The following SORCS1 variants were observed in gnomAD, a reference collection of about 807,000 sequenced individuals.
The protein encoded by SORCS1 is VPS10 domain-containing receptor SorCS1.
A neutral mutation model predicts 146.1 loss-of-function variants in SORCS1; 60 were observed. The ratio of observed to expected loss-of-function variants is 0.41; its 90% CI spans 0.33 to 0.51. The LOEUF (loss-of-function observed/expected upper bound fraction) is 0.51, where lower values mean the gene tolerates loss of function less well. SORCS1 is among the 20% of genes least tolerant of loss of function. The probability of loss-of-function intolerance (pLI) is 0.21; values close to 1 mark genes in which losing one functional copy is unlikely to be tolerated. For missense variants in SORCS1, 1,352 were observed against 1,487.6 expected (o/e 0.91, Z 1.50); for synonymous variants, 637 against 584.0 (o/e 1.09, Z -1.31).
At chr10:106,849,845 C>G (rs1244355375) in intron 2 of SORCS1, among the ~76,000 whole-genome samples, 57 of 151,890 alleles carry the variant, frequency 3.8e-4, no homozygotes, top group Admixed American at 6.6e-4. Context: ...ATACCCTGCC[C>G]TGTGAGGTGT....
intron 2 of SORCS1, among the ~76,000 whole-genome samples, chr10:106,938,875 G>A (rs1388709399): frequency 6.6e-6 from 1 of 152,142 alleles, no homozygotes; most frequent in Non-Finnish European, 1.5e-5. Context: ...GACTGCTAAG[G>A]TTATTGTAGG....
intron 2 of SORCS1, among the ~76,000 whole-genome samples, chr10:106,884,826 T>C (rs1950934716): frequency 6.6e-6 from 1 of 152,160 alleles, no homozygotes; most frequent in African/African-American, 2.4e-5. Context: ...ATCTATCTCA[T>C]AGTGGCAATG....
intron 3 of SORCS1, among the ~76,000 whole-genome samples, chr10:106,777,247 C>A (rs1011840831): frequency 6.6e-6 from 1 of 152,140 alleles, no homozygotes; most frequent in African/African-American, 2.4e-5. Context: ...TTCACAAAGG[C>A]TATTTTACCC....
At chr10:106,767,085 A>G (rs112947081) in intron 4 of SORCS1, among the ~76,000 whole-genome samples, 8 of 152,290 alleles carry the variant, frequency 5.3e-5, no homozygotes, top group African/African-American at 1.9e-4. Context: ...GGGTAGGTGC[A>G]ATCTTACCAA....
chr10:106,611,696 C>T (rs947623450), intron 22 of SORCS1, among the ~76,000 whole-genome samples: 6 of 152,186 alleles, frequency 3.9e-5, no homozygotes, highest in Non-Finnish European at 7.3e-5. Context: ...CATGTTTGTC[C>T]GTGGTTCCAT....
At chr10:106,726,755 G>A (rs1056023274) in intron 6 of SORCS1, among the ~76,000 whole-genome samples, 8 of 152,180 alleles carry the variant, frequency 5.3e-5, no homozygotes, top group African/African-American at 1.9e-4. Context: ...ATGTTTCACA[G>A]ACCCGCAGCA....
chr10:106,892,411 G>A (rs1951272472), intron 2 of SORCS1, among the ~76,000 whole-genome samples: 1 of 152,182 alleles, frequency 6.6e-6, no homozygotes, highest in Non-Finnish European at 1.5e-5. Context: ...TAACTGGAAA[G>A]CTCAGCGACT....
chr10:106,876,522 C>A (rs1362321110), intron 2 of SORCS1, among the ~76,000 whole-genome samples: 1 of 152,140 alleles, frequency 6.6e-6, no homozygotes, highest in East Asian at 1.9e-4. Context: ...TAATGCCAGT[C>A]TGGTTGCTCT....
At chr10:106,769,493 A>C (rs1418393603) in intron 4 of SORCS1, among the ~76,000 whole-genome samples, 2 of 151,802 alleles carry the variant, frequency 1.3e-5, no homozygotes, top group East Asian at 3.9e-4. Context: ...TCAAAAAAAA[A>C]AAAAAAAAGA....
chr10:106,613,188 T>C (rs1847124285), intron 21 of SORCS1, among the ~76,000 whole-genome samples: 1 of 152,202 alleles, frequency 6.6e-6, no homozygotes, highest in African/African-American at 2.4e-5. Context: ...TCAGGGATTT[T>C]CTTCATTGTC....
intron 1 of SORCS1, among the ~76,000 whole-genome samples, chr10:107,009,719 A>C (rs553393046): frequency 9.8e-5 from 15 of 152,350 alleles, no homozygotes; most frequent in Admixed American, 6.5e-4. Context: ...ACAATCTCAT[A>C]ATATGCACAA....
intron 1 of SORCS1, among the ~76,000 whole-genome samples, chr10:107,092,657 C>T (rs144994641): frequency 6.6e-6 from 1 of 152,232 alleles, no homozygotes; most frequent in African/African-American, 2.4e-5. Flanking sequence ...AACTAAGCAA[C>T]CTGCTGTGAG....
At chr10:107,035,078 A>C (rs1184012343) in intron 1 of SORCS1, among the ~76,000 whole-genome samples, 1 of 152,036 alleles carries the variant, frequency 6.6e-6, no homozygotes, top group Non-Finnish European at 1.5e-5. Flanking sequence ...TCTGTAATAT[A>C]AAAAAGCTTA....
chr10:106,658,036 G>A (rs1850436942), intron 17 of SORCS1, among the ~76,000 whole-genome samples: 1 of 152,046 alleles, frequency 6.6e-6, no homozygotes, highest in African/African-American at 2.4e-5. Context: ...CAAAATAAAA[G>A]TGACGTTCTT....
chr10:106,850,361 G>C (rs1009847998), intron 2 of SORCS1, among the ~76,000 whole-genome samples: 3 of 151,994 alleles, frequency 2.0e-5, no homozygotes, highest in South Asian at 2.1e-4. Context: ...AGGTGCGTCC[G>C]TCACCCCTTT....
intron 1 of SORCS1, among the ~76,000 whole-genome samples, chr10:107,004,168 C>A (rs1340859496): frequency 7.7e-6 from 1 of 130,492 alleles, no homozygotes; most frequent in Non-Finnish European, 1.6e-5. Flanking sequence ...AGAGTGTGAT[C>A]CCATCTCAAA....
chr10:106,602,512 AAC>A (rs66699179), intron 23 of SORCS1, among the ~76,000 whole-genome samples: 6,832 of 138,728 alleles, frequency 0.049, 355 homozygotes, highest in East Asian at 0.28. Flanking sequence ...ATTCCTTCAT[AAC>A]ACACACACAC....
chr10:106,676,717 T>C (rs754901550), intron 13 of SORCS1, among the ~76,000 whole-genome samples: 11 of 152,148 alleles, frequency 7.2e-5, no homozygotes, highest in Non-Finnish European at 1.3e-4. Flanking sequence ...GGCCCAACTG[T>C]CCCATAGAAC....
intron 4 of SORCS1, among the ~76,000 whole-genome samples, chr10:106,773,863 C>A (rs183957107): frequency 6.6e-6 from 1 of 152,012 alleles, no homozygotes; most frequent in Non-Finnish European, 1.5e-5. Context: ...GCAGGAGAAT[C>A]GCCTGAACCC....
Sources: gnomAD v4.1 joint callset for allele counts (sites outside exome capture counted in the v4.1 genomes callset) on GRCh38, gnomAD v4.1.1 for gene constraint, MANE v1.5 for transcripts, NCBI Gene and HGNC (gene_info 2026-07-23, HGNC 2026-07-21) for gene names.